Variants in ATP8A2 observed in about 807,000 individuals in gnomAD.
The protein encoded by ATP8A2 is phospholipid-transporting ATPase IB.
In ATP8A2, 100 loss-of-function variants were observed where a neutral mutation model predicts 165.6. The ratio of observed to expected loss-of-function variants is 0.60; its 90% confidence interval spans 0.51 to 0.71. The LOEUF (loss-of-function observed/expected upper bound fraction) is 0.71, where lower values mean the gene tolerates loss of function less well. Ranked by LOEUF, ATP8A2 falls within the 30% of genes least tolerant of loss-of-function variation. ATP8A2 has a pLI of 0.00. For missense variants in ATP8A2, 1,227 were observed against 1,479.5 expected (o/e 0.83, Z 2.80); for synonymous variants, 543 against 548.8 (o/e 0.99, Z 0.15).
intron 16 of ATP8A2, among the ~76,000 whole-genome samples, chr13:25,564,357 AG>A (rs1268470620): frequency 1.3e-5 from 2 of 152,234 alleles, no homozygotes; most frequent in Non-Finnish European, 2.9e-5. Flanking sequence ...TGAATCTAAG[AG>A]GCCAAGTGTA....
At chr13:25,963,411 G>A (rs201805240) in intron 34 of ATP8A2, among the ~76,000 whole-genome samples, 6,465 of 138,114 alleles carry the variant, frequency 0.047, 194 homozygotes, top group East Asian at 0.1. Context: ...AAAAAAAAAA[G>A]AAAAGAAAAG....
rs373667145 is a variant in ATP8A2, at chr13:25,669,129, C to G, written c.2212-30044C>G. Among the ~76,000 whole-genome samples the G allele has an allele frequency of 4.6e-5, 7 of 151,180 alleles. No individual in the cohort carries two copies. In the East Asian group the frequency reaches 7.8e-4, roughly 17 times the overall value. Reference sequence around the variant, plus strand: ...TGCCTTGTAATTTTTTTTTTGAAAACTAGTTGTTTTGAATATTGTTATATG... The same window carrying G: ...TGCCTTGTAATTTTTTTTTTGAAAAGTAGTTGTTTTGAATATTGTTATATG... On this transcript the variant is annotated intron_variant, in intron 24 of 36. Transcript: ENST00000381655.
chr13:25,839,418 A>T, intron 29 of ATP8A2, 128 bp from the exon 30 acceptor site: 1 of 642,254 alleles, frequency 1.6e-6, no homozygotes, highest in South Asian at 2.1e-5. Flanking sequence ...AAATTCAAGA[A>T]TAATATGCTA....
intron 2 of ATP8A2, among the ~76,000 whole-genome samples, chr13:25,526,861 T>A (rs1374652199): frequency 6.6e-6 from 1 of 152,162 alleles, no homozygotes; most frequent in African/African-American, 2.4e-5. Flanking sequence ...GGAACAGGTA[T>A]CCTGCCAGGG....
intron 17 of ATP8A2, 103 bp from the exon 18 acceptor site, chr13:25,571,507 C>A: frequency 1.3e-6 from 1 of 784,018 alleles, no homozygotes; most frequent in Non-Finnish European, 2.2e-6. Flanking sequence ...TAACACCAGG[C>A]CTCCTTCAGT....
intron 35 of ATP8A2, among the ~76,000 whole-genome samples, chr13:25,970,096 C>T (rs558799419): frequency 2.6e-5 from 4 of 152,234 alleles, no homozygotes; most frequent in African/African-American, 9.6e-5. Flanking sequence ...CACTCTTAAC[C>T]GTTAAGTTTA....
chr13:25,758,394 A>G (rs2044308824), intron 25 of ATP8A2, among the ~76,000 whole-genome samples: 1 of 152,244 alleles, frequency 6.6e-6, no homozygotes, highest in South Asian at 2.1e-4. Flanking sequence ...AGTCCCTAAC[A>G]CCAAGTAGCT....
intron 33 of ATP8A2, among the ~76,000 whole-genome samples, chr13:25,897,039 G>T: frequency 6.6e-6 from 1 of 152,038 alleles, no homozygotes; most frequent in East Asian, 1.9e-4. Context: ...TTACGTTTAA[G>T]GTTAGTATTG....
intron 33 of ATP8A2, among the ~76,000 whole-genome samples, chr13:25,952,928 A>G (rs1172761762): frequency 6.6e-5 from 10 of 152,212 alleles, no homozygotes; most frequent in Admixed American, 6.5e-5. Context: ...ATGCACGCTC[A>G]TGAAAACCAA....
At chr13:25,851,026 C>T (rs1305490631) in intron 30 of ATP8A2, among the ~76,000 whole-genome samples, 1 of 152,186 alleles carries the variant, frequency 6.6e-6, no homozygotes, top group Non-Finnish European at 1.5e-5. Context: ...AGGCTCTTGG[C>T]AAGTCCCAGA....
chr13:25,492,446 G>C (rs2036555835), intron 2 of ATP8A2, among the ~76,000 whole-genome samples: 2 of 152,094 alleles, frequency 1.3e-5, no homozygotes, highest in East Asian at 3.9e-4. Context: ...AAGAAATTTT[G>C]CCACATAGAG....
intron 1 of ATP8A2, among the ~76,000 whole-genome samples, chr13:25,457,808 C>T (rs189158335): frequency 1.2e-4 from 19 of 152,322 alleles, no homozygotes; most frequent in Admixed American, 6.5e-4. Context: ...GAGAAGAAAA[C>T]GTGATACACA....
At chr13:25,513,402 C>T (rs571671944) in intron 2 of ATP8A2, among the ~76,000 whole-genome samples, 20 of 143,242 alleles carry the variant, frequency 1.4e-4, no homozygotes, top group Non-Finnish European at 2.1e-4. Flanking sequence ...GATGGGATGG[C>T]GGCCGGGAAG....
intron 24 of ATP8A2, among the ~76,000 whole-genome samples, chr13:25,684,041 CAAT>C (rs1209160136): frequency 1.3e-5 from 2 of 152,090 alleles, no homozygotes; most frequent in African/African-American, 4.8e-5. Flanking sequence ...ATAAAATGAA[CAAT>C]GAGATGCTTA....
At chr13:25,531,282 TATATATGA>T (rs2038058081) in intron 4 of ATP8A2, among the ~76,000 whole-genome samples, 1 of 27,970 alleles carries the variant, frequency 3.6e-5, no homozygotes, top group Non-Finnish European at 1.1e-4. Context: ...ATATATATGT[TATATATGA>T]TATATATGTT....
At chr13:25,851,285 A>T (rs1952000306) in intron 30 of ATP8A2, among the ~76,000 whole-genome samples, 1 of 152,336 alleles carries the variant, frequency 6.6e-6, no homozygotes, top group Non-Finnish European at 1.5e-5. Context: ...ACAAGTTAGA[A>T]ATTAATGCAT....
intron 33 of ATP8A2, chr13:25,863,809 G>A (rs1393773051): frequency 6.6e-6 from 1 of 152,246 alleles, no homozygotes; most frequent in Non-Finnish European, 1.5e-5. Flanking sequence ...TCCTATAGGA[G>A]TGGGCTTGCA....
At chr13:25,477,811 C>A (rs1367011482) in intron 2 of ATP8A2, among the ~76,000 whole-genome samples, 1 of 152,084 alleles carries the variant, frequency 6.6e-6, no homozygotes, top group African/African-American at 2.4e-5. Context: ...GTGGCGGGTG[C>A]CTATAATCCC....
intron 33 of ATP8A2, among the ~76,000 whole-genome samples, chr13:25,873,222 C>T (rs1952725976): frequency 6.6e-6 from 1 of 152,212 alleles, no homozygotes. Context: ...TTAGGCAAGA[C>T]TTTCCCTAAA....
Sources: gnomAD v4.1 joint callset for allele counts (sites outside exome capture counted in the v4.1 genomes callset) on GRCh38, gnomAD v4.1.1 for gene constraint, MANE v1.5 for transcripts, NCBI Gene and HGNC (gene_info 2026-07-23, HGNC 2026-07-21) for gene names.